The following NUSAP1 variants were observed in gnomAD, a reference collection of about 807,000 sequenced individuals.
NUSAP1 encodes the protein nucleolar and spindle associated protein 1, also known as nucleolar and spindle-associated protein 1.
Under a neutral mutation model 52.8 loss-of-function variants are expected in NUSAP1, and 32 were observed. That is an observed-to-expected ratio of 0.61 (90% CI 0.46 to 0.81). NUSAP1 has a LOEUF of 0.81. NUSAP1 is among the 40% of genes least tolerant of loss of function. NUSAP1 has a pLI of 0.00. For missense variants in NUSAP1, 499 were observed against 522.3 expected, an observed-to-expected ratio of 0.96 and a Z score of 0.43; for synonymous variants, 195 against 183.1, an observed-to-expected ratio of 1.06 and a Z score of -0.52.
chr15:41,375,591 G>A (rs1313234840), intron 8 of NUSAP1, 121 bp from the exon 9 acceptor site: 10 of 668,870 alleles, frequency 1.5e-5, no homozygotes, highest in Non-Finnish European at 1.9e-5. Context: ...GATTACAGGT[G>A]TGGGCCACCA....
intron 1 of NUSAP1, among the ~76,000 whole-genome samples, chr15:41,341,190 C>T (rs1418174176): frequency 1.3e-5 from 2 of 152,148 alleles, no homozygotes; most frequent in Admixed American, 1.3e-4. Flanking sequence ...CTCAGCCTCC[C>T]AAGTAGCTGG....
At chr15:41,364,120 A>G (rs563492831) in intron 6 of NUSAP1, among the ~76,000 whole-genome samples, 29 of 152,216 alleles carry the variant, frequency 1.9e-4, no homozygotes, top group African/African-American at 7.0e-4. Context: ...GTTGTGAGCC[A>G]CTACACCTGG....
At chr15:41,341,102 G>A (rs1316449634) in intron 1 of NUSAP1, among the ~76,000 whole-genome samples, 5 of 152,080 alleles carry the variant, frequency 3.3e-5, no homozygotes, top group African/African-American at 2.4e-5. Context: ...TTGCTCTATC[G>A]CCCAGACTAG....
chr15:41,343,059 T>G (rs2048422518), intron 2 of NUSAP1: 1 of 152,230 alleles, frequency 6.6e-6, no homozygotes. Context: ...GAGAGGGAAC[T>G]GGATTTGAAA....
At chr15:41,373,548 C>T (rs986800814) in intron 8 of NUSAP1, among the ~76,000 whole-genome samples, 31 of 144,700 alleles carry the variant, frequency 2.1e-4, no homozygotes, top group African/African-American at 7.5e-4. Context: ...CTCCTGGGTT[C>T]ACGCCATTCT....
chr15:41,363,667 T>C (rs916935837), intron 6 of NUSAP1, among the ~76,000 whole-genome samples: 4 of 152,034 alleles, frequency 2.6e-5, no homozygotes, highest in Non-Finnish European at 5.9e-5. Flanking sequence ...GCCACCAGAT[T>C]ATGTTTATTT....
Position 41,377,720 on chromosome 15 carries a change from A to G in NUSAP1, c.1232+416A>G, listed in dbSNP as rs553369207. ...TCTCAAAAAAAAAAAAAGTGGTATC[A>G]TGGGCCAGGCACGGTGGCTCACGCC... On this transcript the variant is annotated intron_variant, in intron 10 of 10. Coordinates refer to ENST00000559596, the MANE Select transcript of NUSAP1 (RefSeq NM_016359.5). Among the ~76,000 whole-genome samples, 9 of 123,054 alleles carry G rather than the reference A, an allele frequency of 7.3e-5. No individual in the cohort carries two copies. The East Asian group carries it at 2.4e-3, about 33-fold the overall frequency. 80.7% of individuals were successfully genotyped at this position (123,054 alleles called of 152,430 possible).
intron 7 of NUSAP1, among the ~76,000 whole-genome samples, chr15:41,366,416 TG>T (rs2049417257): frequency 6.6e-6 from 1 of 151,868 alleles, no homozygotes; most frequent in Non-Finnish European, 1.5e-5. Context: ...CCCGAGTGGC[TG>T]GGACTACAGG....
chr15:41,362,618 G>C (rs550661648), intron 6 of NUSAP1, among the ~76,000 whole-genome samples: 1 of 151,380 alleles, frequency 6.6e-6, no homozygotes, highest in African/African-American at 2.4e-5. Flanking sequence ...TTTTAGTAGA[G>C]ATGGGGTTTC....
At chr15:41,366,989 G>T (rs1386871761) in intron 7 of NUSAP1, among the ~76,000 whole-genome samples, 1 of 152,230 alleles carries the variant, frequency 6.6e-6, no homozygotes, top group East Asian at 1.9e-4. Context: ...TTCTTCAGCT[G>T]TAATGCATTT....
At chr15:41,348,574 T>G (rs867763800) in intron 2 of NUSAP1, among the ~76,000 whole-genome samples, 1 of 152,038 alleles carries the variant, frequency 6.6e-6, no homozygotes, top group Non-Finnish European at 1.5e-5. Flanking sequence ...CTACCCTAAT[T>G]TATTAATTTG....
chr15:41,358,538 G>A (rs566539465), intron 6 of NUSAP1, among the ~76,000 whole-genome samples: 1 of 152,218 alleles, frequency 6.6e-6, no homozygotes, highest in South Asian at 2.1e-4. Flanking sequence ...GGAGTTCAAG[G>A]CCAGCCTGGG....
chr15:41,365,455 ACT>A lies in NUSAP1; in HGVS notation c.719_720del (p.Ser240CysfsTer39), dbSNP rs1408036783. The A allele has an allele frequency of 6.2e-6, 10 of 1,612,372 alleles. No individual in the cohort carries two copies. Among genetic ancestry groups the A allele is most frequent in the South Asian group, 2.2e-5 (2 of 90,806 alleles). On this transcript the variant is annotated frameshift_variant, in exon 7 of 11. Coordinates refer to ENST00000559596, the MANE Select transcript of NUSAP1 (RefSeq NM_016359.5). LOFTEE classifies it high-confidence loss of function. Reference sequence around the variant, plus strand: ...GGACTCCAGTACCTCCAAGAGGAAGACTCTCTGTGGCTTCTACTCCCATCAGC... The same window carrying A: ...GGACTCCAGTACCTCCAAGAGGAAGACTCTGTGGCTTCTACTCCCATCAGC... The part of the protein sequence containing the change: ...VRTPVPPRGR[L>X]SVASTPISQR...
In NUSAP1 at chr15:41,349,215, A is replaced by C; in HGVS notation, c.280A>C (p.Thr94Pro). ...CACCAAAACAAGGAGAAGGTGCAAG[A>C]CTGTCCGTGTGGACCCTGACTCACA... Reference protein sequence around the residue: ...HVTKTRRRCKTVRVDPDSQQN... With the variant: ...HVTKTRRRCKPVRVDPDSQQN... The change falls in exon 3 of 11, where the codon ACT (threonine) becomes CCT (proline). Residue 94 changes from threonine to proline, a missense_variant. By Grantham distance (38) the Thr-to-Pro change is conservative. Transcript: ENST00000559596. The C allele has an allele frequency of 1.2e-6, 2 of 1,613,934 alleles. No homozygotes were observed. The highest frequency in any genetic ancestry group is 1.7e-6 in the Non-Finnish European group (2 of 1,179,842).
intron 10 of NUSAP1, among the ~76,000 whole-genome samples, chr15:41,379,449 A>G (rs900421846): frequency 1.3e-5 from 2 of 152,208 alleles, no homozygotes; most frequent in African/African-American, 4.8e-5. Flanking sequence ...GGTGTGAGCC[A>G]CTGCATCTGG....
At chr15:41,357,465 C>T (rs573482971) in intron 5 of NUSAP1, among the ~76,000 whole-genome samples, 6 of 150,504 alleles carry the variant, frequency 4.0e-5, no homozygotes, top group South Asian at 2.1e-4. Flanking sequence ...TTTTTTGAGA[C>T]GAAGTTTTGC....
chr15:41,333,778 GC>G (rs1398690615), intron 1 of NUSAP1, among the ~76,000 whole-genome samples: 1 of 152,184 alleles, frequency 6.6e-6, no homozygotes, highest in African/African-American at 2.4e-5. Context: ...TGTGATCCAA[GC>G]TTTTTGCCTG....
intron 6 of NUSAP1, among the ~76,000 whole-genome samples, chr15:41,364,707 A>C (rs1434891911): frequency 6.6e-6 from 1 of 152,060 alleles, no homozygotes; most frequent in Admixed American, 6.6e-5. Flanking sequence ...GTCTCTACTA[A>C]AAATACAAAA....
intron 5 of NUSAP1, among the ~76,000 whole-genome samples, chr15:41,357,333 A>G (rs931355133): frequency 2.0e-5 from 3 of 152,022 alleles, no homozygotes; most frequent in Non-Finnish European, 4.4e-5. Context: ...ATGCCATTGC[A>G]CTGTAGCCTG....
Sources: gnomAD v4.1 joint callset for allele counts (sites outside exome capture counted in the v4.1 genomes callset) on GRCh38, gnomAD v4.1.1 for gene constraint, MANE v1.5 for transcripts, NCBI Gene and HGNC (gene_info 2026-07-23, HGNC 2026-07-21) for gene names.